The following BICC1 variants were observed in gnomAD, a reference collection of about 807,000 sequenced individuals.
The protein encoded by BICC1 is protein bicaudal C homolog 1.
Under a neutral mutation model 111.0 loss-of-function variants are expected in BICC1, and 43 were observed. The ratio of observed to expected loss-of-function variants is 0.39; its 90% CI spans 0.30 to 0.50. The LOEUF (loss-of-function observed/expected upper bound fraction) is 0.50. BICC1 is among the 20% of genes least tolerant of loss of function. BICC1 has a pLI of 0.88. For synonymous variants in BICC1, 467 were observed against 434.4 expected (o/e 1.07, Z -0.93); for missense variants, 1,091 against 1,203.2 (o/e 0.91, Z 1.38).
At chr10:58,805,310 C>A (rs71508116) in intron 15 of BICC1, among the ~76,000 whole-genome samples, 77,101 of 149,294 alleles carry the variant, frequency 0.52, 22,587 homozygotes, top group East Asian at 0.67. Context: ...AACAAACAAA[C>A]AAACAAAAAA....
chr10:58,545,635 C>T (rs941435812), intron 1 of BICC1, among the ~76,000 whole-genome samples: 2 of 152,156 alleles, frequency 1.3e-5, no homozygotes, highest in African/African-American at 2.4e-5. Context: ...AAACAGATGC[C>T]TTCAAATAAC....
At chr10:58,764,793 A>C (rs1329364141) in intron 3 of BICC1, among the ~76,000 whole-genome samples, 2 of 152,130 alleles carry the variant, frequency 1.3e-5, no homozygotes, top group Non-Finnish European at 2.9e-5. Context: ...AGGGACACTG[A>C]GGGAATGAAA....
intron 2 of BICC1, among the ~76,000 whole-genome samples, chr10:58,630,015 G>A (rs552427779): frequency 1.3e-5 from 2 of 152,246 alleles, no homozygotes; most frequent in African/African-American, 4.8e-5. Context: ...TGCACCACTC[G>A]ACTCTGCTTC....
intron 1 of BICC1, among the ~76,000 whole-genome samples, chr10:58,563,737 TTTTCC>T (rs2131957307): frequency 6.6e-6 from 1 of 152,328 alleles, no homozygotes; most frequent in Admixed American, 6.5e-5. Context: ...TGTTTTAAAG[TTTTCC>T]TTTCATGTCT....
At chr10:58,696,633 C>G (rs1452284474) in intron 2 of BICC1, among the ~76,000 whole-genome samples, 2 of 152,158 alleles carry the variant, frequency 1.3e-5, no homozygotes, top group African/African-American at 4.8e-5. Flanking sequence ...TATAAGAGAG[C>G]AGCTAAGGAA....
intron 1 of BICC1, among the ~76,000 whole-genome samples, chr10:58,586,722 C>T (rs2132027717): frequency 6.6e-6 from 1 of 152,000 alleles, no homozygotes; most frequent in African/African-American, 2.4e-5. Flanking sequence ...AGACTACATA[C>T]ATATACATGC....
intron 3 of BICC1, among the ~76,000 whole-genome samples, chr10:58,722,177 G>A (rs181566143): frequency 5.9e-5 from 9 of 152,156 alleles, no homozygotes; most frequent in African/African-American, 2.2e-4. Flanking sequence ...GAATCCATCC[G>A]GTTTCCATGA....
chr10:58,794,792 A>G (rs994171532), intron 9 of BICC1, among the ~76,000 whole-genome samples: 1 of 152,188 alleles, frequency 6.6e-6, no homozygotes. Flanking sequence ...ATTGTTGTTT[A>G]AACTAGCACA....
In BICC1 at chr10:58,636,955, G is replaced by C. The variant is rs555969408; in HGVS notation, c.237+16054G>C. Among the ~76,000 whole-genome samples the C allele has an allele frequency of 3.1e-4, 47 of 151,400 alleles. 1 individual carries two copies. The South Asian group carries it at 9.3e-3, about 30-fold the overall frequency. ...TTCTAGTGTTTGCATCCTCTGGCTG[G>C]GGGGAAGGCTGTGTGGCTGATGTAG... On this transcript the variant is annotated intron_variant, in intron 2 of 20. Coordinates refer to ENST00000373886, the MANE Select transcript of BICC1 (RefSeq NM_001080512.3).
intron 3 of BICC1, among the ~76,000 whole-genome samples, chr10:58,753,852 C>T (rs930140169): frequency 1.3e-5 from 2 of 151,972 alleles, no homozygotes; most frequent in African/African-American, 4.8e-5. Flanking sequence ...CCATTTTTCC[C>T]TATTCCGTAC....
chr10:58,629,118 AC>A (rs1837717730), intron 2 of BICC1, among the ~76,000 whole-genome samples: 1 of 152,180 alleles, frequency 6.6e-6, no homozygotes, highest in Non-Finnish European at 1.5e-5. Context: ...GGGGGAAAGG[AC>A]TCAGCCACAG....
intron 2 of BICC1, among the ~76,000 whole-genome samples, chr10:58,668,192 C>CTG (rs1311671091): frequency 6.6e-6 from 1 of 152,070 alleles, no homozygotes; most frequent in Non-Finnish European, 1.5e-5. Flanking sequence ...TTTACGTCAT[C>CTG]TGTAGATGCT....
chr10:58,624,929 C>A (rs1371672290), intron 2 of BICC1, among the ~76,000 whole-genome samples: 1 of 152,112 alleles, frequency 6.6e-6, no homozygotes, highest in Non-Finnish European at 1.5e-5. Context: ...TATTTGTACA[C>A]CCTTGGTCTT....
intron 1 of BICC1, among the ~76,000 whole-genome samples, chr10:58,588,301 A>G (rs1201687169): frequency 6.6e-6 from 1 of 152,196 alleles, no homozygotes; most frequent in Non-Finnish European, 1.5e-5. Flanking sequence ...GGGGACAAAC[A>G]CAGTTGAACC....
At chr10:58,565,435 C>T (rs1843725636) in intron 1 of BICC1, among the ~76,000 whole-genome samples, 1 of 152,152 alleles carries the variant, frequency 6.6e-6, no homozygotes, top group Non-Finnish European at 1.5e-5. Flanking sequence ...TGCCAAAATT[C>T]TCTGCCTCTG....
Position 58,718,765 on chromosome 10 carries a change from TGCGCGCGCGC to T in BICC1, c.307+16624_307+16633del, listed in dbSNP as rs139589306. Among the ~76,000 whole-genome samples, 192 of 148,262 alleles carry T rather than the reference TGCGCGCGCGC, an allele frequency of 1.3e-3. 1 individual carries two copies. The highest frequency in any genetic ancestry group is 4.3e-3 in the African/African-American group (176 of 40,694). ...AAATGTGTGTGTGTGTGTGTGTGTG[TGCGCGCGCGC>T]GTGCGCGCGTGCGCACGCCCGCGTG... On this transcript the variant is annotated intron_variant, in intron 3 of 20. Coordinates refer to ENST00000373886, the MANE Select transcript of BICC1 (RefSeq NM_001080512.3).
intron 2 of BICC1, among the ~76,000 whole-genome samples, chr10:58,632,861 GGATA>G (rs80252372): frequency 0.021 from 3,184 of 150,810 alleles, 47 homozygotes; most frequent in Non-Finnish European, 0.035. Context: ...ATAGATAGAT[GGATA>G]GATAGATAGA....
At chr10:58,518,964 A>AT (rs1410496542) in intron 1 of BICC1, among the ~76,000 whole-genome samples, 2 of 152,200 alleles carry the variant, frequency 1.3e-5, no homozygotes, top group Non-Finnish European at 2.9e-5. Flanking sequence ...GAGGTTTGTT[A>AT]TACCAATGAC....
In BICC1 at chr10:58,754,760, ATG is replaced by A. The variant is rs149325160; in HGVS notation, c.308-30217_308-30216del. Among the ~76,000 whole-genome samples the A allele has an allele frequency of 1.3e-3, 188 of 148,728 alleles. 2 individuals are homozygous for A. The highest frequency in any genetic ancestry group is 6.4e-3 in the South Asian group (30 of 4,668). On this transcript the variant is annotated intron_variant, in intron 3 of 20. Transcript: ENST00000373886. ...GACAAACTTGTGAGGGGGGGTGTGT[ATG>A]TGTGTGTGTGTGTGTGTGTGTGTAA...
Sources: gnomAD v4.1 joint callset for allele counts (sites outside exome capture counted in the v4.1 genomes callset) on GRCh38, gnomAD v4.1.1 for gene constraint, MANE v1.5 for transcripts, NCBI Gene and HGNC (gene_info 2026-07-23, HGNC 2026-07-21) for gene names.